The following NXF1 variants were observed in gnomAD, a reference collection of about 807,000 sequenced individuals.
The protein encoded by NXF1 is mRNA export factor TAP.
In NXF1, 43 loss-of-function variants were observed where a neutral mutation model predicts 92.4. That is an observed-to-expected ratio of 0.47 (90% CI 0.36 to 0.60). NXF1 has a LOEUF of 0.60. NXF1 is among the 20% of genes least tolerant of loss of function. NXF1 has a pLI of 0.00. For missense variants in NXF1, 576 were observed against 793.0 expected (o/e 0.73, Z 3.29); for synonymous variants, 288 against 292.2 (o/e 0.99, Z 0.15).
At position 62,803,923 on chromosome 11, in the gene NXF1, G is replaced by T. The variant is rs773148474; in HGVS notation, c.84C>A (p.Pro28=). The change falls in exon 2 of 21, where the codon CCC becomes CCA. Residue 28 remains proline (P), a synonymous_variant. Transcript: ENST00000294172. ...TTCCTTCACCATATTTCCACCGGAA[G>T]GGACCCCGGCCTTTCTTCTTTCTTT... ...FPQRKKKGRG[P]FRWKYGEGNR... is the part of the protein sequence containing the mutation. 2 of 1,614,180 alleles carry T rather than the reference G, an allele frequency of 1.2e-6. No individual in the cohort carries two copies. The highest frequency in any genetic ancestry group is 2.2e-5 in the South Asian group (2 of 91,088).
At chr11:62,800,177 C>A in intron 10 of NXF1, 200 bp downstream of exon 10, 1 of 1,407,726 alleles carries the variant, frequency 7.1e-7, no homozygotes, top group Non-Finnish European at 9.3e-7. Context: ...ATAGTCAAGT[C>A]AGAAGAGAAG....
rs371606823 is a variant in NXF1 at position 62,801,086 on chromosome 11, A to C, written c.906+8T>G. 1 of 1,606,212 alleles carries C rather than the reference A, an allele frequency of 6.2e-7. No homozygotes were observed. The highest frequency in any genetic ancestry group is 2.2e-5 in the East Asian group (1 of 44,848). On this transcript the variant is annotated splice_region_variant and intron_variant, in intron 9 of 20. Transcript: ENST00000294172. Reference sequence around the variant, plus strand: ...CTTCAAAAATATAGCCGAGCTATCAATTCTCACTTCATTTCCAGAAAGGTT... The same window carrying C: ...CTTCAAAAATATAGCCGAGCTATCACTTCTCACTTCATTTCCAGAAAGGTT...
chr11:62,803,729 C>A, intron 2 of NXF1, 63 bp downstream of exon 2: 1 of 1,565,920 alleles, frequency 6.4e-7, no homozygotes, highest in Non-Finnish European at 8.7e-7. Context: ...ATGACATGGA[C>A]AGTAAAAGGG....
At chr11:62,794,039 T>C (rs911570236) in intron 19 of NXF1, among the ~76,000 whole-genome samples, 2 of 151,462 alleles carry the variant, frequency 1.3e-5, no homozygotes, top group African/African-American at 4.9e-5. Context: ...AGGTGGCACA[T>C]GCCTATAGGC....
At chr11:62,797,264 A>T (rs1474458783) in intron 12 of NXF1, 26 bp from the exon 13 acceptor site, 2 of 1,614,140 alleles carry the variant, frequency 1.2e-6, no homozygotes, top group Admixed American at 3.3e-5. Context: ...TATTAGGAAC[A>T]TGGAAGCAGT....
At position 62,801,736 on chromosome 11, in the gene NXF1, C is replaced by T. The variant is rs1409092407; in HGVS notation, c.639+3G>A. 1 of 1,613,318 alleles carries T rather than the reference C, an allele frequency of 6.2e-7. No individual in the cohort carries two copies. Among genetic ancestry groups the T allele is most frequent in the Non-Finnish European group, 8.5e-7 (1 of 1,179,340 alleles). On this transcript the variant is annotated splice_donor_region_variant and intron_variant, in intron 6 of 20. Transcript: ENST00000294172. The stretch of plus-strand genomic sequence containing the variant: ...GGAAACATCTAATTTGAGCCTGCCT[C>T]ACCTTTAGCTGTTCTACTTGTTCTG...
intron 8 of NXF1, 54 bp from the exon 9 acceptor site, chr11:62,801,255 G>C (rs1013344242): frequency 4.4e-6 from 7 of 1,602,130 alleles, no homozygotes; most frequent in Non-Finnish European, 6.0e-6. Context: ...GATCAGAGAC[G>C]AATCTGCCCT....
chr11:62,794,356 C>A lies in NXF1; in HGVS notation c.1662G>T (p.Thr554=). Residue 554 remains threonine, a synonymous_variant, in exon 19 of 21, where the codon ACG becomes ACT. Coordinates refer to ENST00000294172, the MANE Select transcript of NXF1 (RefSeq NM_006362.5). ...GGGTGGGCACCGGGCTGGAGGAAGGCGTGGGTGCAGGCATAGCGAAGGCTC... is the reference window on the plus strand; with the variant it reads ...GGGTGGGCACCGGGCTGGAGGAAGGAGTGGGTGCAGGCATAGCGAAGGCTC... ...IQRAFAMPAP[T]PSSSPVPTLS... 6.2e-7 allele frequency: 1 copy of A among 1,614,134 alleles called. No individual in the cohort carries two copies. Among genetic ancestry groups the A allele is most frequent in the Non-Finnish European group, 8.5e-7 (1 of 1,180,002 alleles).
intron 19 of NXF1, among the ~76,000 whole-genome samples, chr11:62,793,437 C>T (rs549066793): frequency 6.6e-6 from 1 of 152,276 alleles, no homozygotes; most frequent in South Asian, 2.1e-4. Context: ...GGAGCCCAGG[C>T]ACAGTAACTC....
chr11:62,796,680 C>T, intron 13 of NXF1, 113 bp from the exon 14 acceptor site: 1 of 711,992 alleles, frequency 1.4e-6, no homozygotes, highest in East Asian at 2.7e-5. Context: ...GCCTGTAATC[C>T]CAGCACTTTG....
intron 3 of NXF1, among the ~76,000 whole-genome samples, chr11:62,802,547 C>T (rs921332831): frequency 6.6e-6 from 1 of 152,202 alleles, no homozygotes; most frequent in Non-Finnish European, 1.5e-5. Flanking sequence ...AGCGATCCTC[C>T]TGTCTCAGCT....
Position 62,797,326 on chromosome 11 carries a change from G to A in NXF1, c.1114C>T (p.Pro372Ser). 1 of 1,614,150 alleles carries A rather than the reference G, an allele frequency of 6.2e-7. No individual in the cohort carries two copies. The highest frequency in any genetic ancestry group is 8.5e-7 in the Non-Finnish European group (1 of 1,180,008). The change falls in exon 12 of 21, where the codon CCC (proline) becomes TCC (serine). Residue 372 changes from proline to serine, a missense_variant. Pro to Ser is a moderately conservative substitution (Grantham distance 74). This residue lies in a region of NXF1 where 425 missense variants were observed against 635.2 expected (regional missense o/e 0.67). Coordinates refer to ENST00000294172, the MANE Select transcript of NXF1 (RefSeq NM_006362.5). ...CTGTCCATGCTTCCTACCTTGCAGG[G>A]CGGTAACGTCGTGGGGGCTTCAACA... ...FDVEAPTTLP[P>S]CKGSYFGTEN... is the part of the protein sequence containing the mutation.
In NXF1 at chr11:62,801,614, T is replaced by C; in HGVS notation, c.657A>G (p.Arg219=). Residue 219 remains arginine (R), a synonymous_variant, in exon 7 of 21, where the codon CGA becomes CGG. Coordinates refer to ENST00000294172, the MANE Select transcript of NXF1 (RefSeq NM_006362.5). ...VEQLKLIMSK[R]YDGSQQALDL... Reference sequence around the variant, plus strand: ...CAAGGGCTTGTTGGGAGCCATCGTATCGTTTGCTCATGATCAGCTAGAGGA... The same window carrying C: ...CAAGGGCTTGTTGGGAGCCATCGTACCGTTTGCTCATGATCAGCTAGAGGA... 6.2e-7 allele frequency: 1 copy of C among 1,613,746 alleles called. No homozygotes were observed. The highest frequency in any genetic ancestry group is 8.5e-7 in the Non-Finnish European group (1 of 1,180,000).
At chr11:62,794,561 C>T in intron 18 of NXF1, 121 bp from the exon 19 acceptor site, 1 of 846,116 alleles carries the variant, frequency 1.2e-6, no homozygotes, top group Non-Finnish European at 1.8e-6. Flanking sequence ...GCTATTGTTA[C>T]CTTTTATCAT....
At chr11:62,798,835 C>A (rs972481343) in intron 10 of NXF1, 3 of 1,291,154 alleles carry the variant, frequency 2.3e-6, no homozygotes, top group Non-Finnish European at 2.9e-6. Context: ...CAAGCCCAGG[C>A]TTTAAGCCCA....
chr11:62,802,031 T>C lies in NXF1; in HGVS notation c.469A>G (p.Thr157Ala), dbSNP rs762373822. 6.2e-7 allele frequency: 1 copy of C among 1,614,050 alleles called. No individual in the cohort carries two copies. Among genetic ancestry groups the C allele is most frequent in the Non-Finnish European group, 8.5e-7 (1 of 1,180,006 alleles). ...TCTTCAACGAAGAACTGGGCCCGTG[T>C]ATTCTCATAGTGAAACTACAAGAGG... The part of the protein sequence containing the change: ...FTPIEFHYEN[T>A]RAQFFVEDAS... Residue 157 changes from threonine (T) to alanine (A), a missense_variant, in exon 5 of 21, where the codon ACA becomes GCA. Thr to Ala is a moderately conservative substitution (Grantham distance 58). Transcript: ENST00000294172.
rs1035368933 is a variant in NXF1, at chr11:62,798,869, C to G, written c.1017-294G>C. ...CAGGACCTCTTTCCCCTCCCTGCCC[C>G]CCTTACCTTCCACCTACTCACCTGT... On this transcript the variant is annotated intron_variant, in intron 10 of 20. Coordinates refer to ENST00000294172, the MANE Select transcript of NXF1 (RefSeq NM_006362.5). 6 of 1,227,826 alleles carry G rather than the reference C, an allele frequency of 4.9e-6. No homozygotes were observed. The South Asian group carries it at 7.3e-5, about 15-fold the overall frequency. 76.1% of individuals were successfully genotyped at this position (1,227,826 alleles called of 1,614,324 possible). A position where few individuals can be genotyped will look rare whatever the true frequency, so the allele number is the denominator to read the frequency against.
At chr11:62,795,620 T>C (rs2084411981) in intron 17 of NXF1, among the ~76,000 whole-genome samples, 2 of 152,132 alleles carry the variant, frequency 1.3e-5, no homozygotes, top group Non-Finnish European at 2.9e-5. Flanking sequence ...AAAGAATCTG[T>C]CTTAGAGGTA....
At chr11:62,800,286 A>T in intron 10 of NXF1, 91 bp downstream of exon 10, 1 of 1,588,000 alleles carries the variant, frequency 6.3e-7, no homozygotes, top group Non-Finnish European at 8.6e-7. Flanking sequence ...AGGGCTGCAC[A>T]TCTCCGCAGA....
Sources: allele counts gnomAD v4.1 joint callset (sites outside exome capture counted in the v4.1 genomes callset), GRCh38; gene constraint gnomAD v4.1.1; regional missense constraint gnomAD v4.1.1; transcripts MANE v1.5; gene names NCBI Gene and HGNC (gene_info 2026-07-23, HGNC 2026-07-21).